ATP10B: variants seen among roughly 807,000 people sequenced by gnomAD.
The protein encoded by ATP10B is ATPase phospholipid transporting 10B (putative), also known as phospholipid-transporting ATPase VB.
A neutral mutation model predicts 141.2 loss-of-function variants in ATP10B; 122 were observed. That is an observed-to-expected ratio of 0.86 (90% CI 0.75 to 1.00). The LOEUF (loss-of-function observed/expected upper bound fraction) is 1.00, where lower values mean the gene tolerates loss of function less well. Among genes scored for constraint, ATP10B ranks in the 50% least tolerant of loss-of-function variants. The probability of loss-of-function intolerance (pLI) is 0.00; values close to 1 mark genes in which losing one functional copy is unlikely to be tolerated. For synonymous variants in ATP10B, 685 were observed against 692.0 expected (o/e 0.99, Z 0.16); for missense variants, 1,876 against 1,825.3 (o/e 1.03, Z -0.51).
At chr5:160,657,497 A>C (rs187375702) in intron 7 of ATP10B, among the ~76,000 whole-genome samples, 2 of 152,294 alleles carry the variant, frequency 1.3e-5, no homozygotes, top group Admixed American at 1.3e-4. Flanking sequence ...CCACAAAAGC[A>C]GGCAGATTGG....
intron 4 of ATP10B, among the ~76,000 whole-genome samples, chr5:160,688,385 A>G (rs1406266064): frequency 6.6e-6 from 1 of 152,174 alleles, no homozygotes; most frequent in African/African-American, 2.4e-5. Flanking sequence ...CATAAATAAC[A>G]TGCTCCTAAC....
chr5:160,801,738 T>C (rs1013277850), intron 1 of ATP10B, among the ~76,000 whole-genome samples: 3 of 152,102 alleles, frequency 2.0e-5, no homozygotes, highest in African/African-American at 7.2e-5. Context: ...CCTCTAGCAA[T>C]ATACAGGCCA....
intron 19 of ATP10B, among the ~76,000 whole-genome samples, chr5:160,605,678 G>C (rs1357165711): frequency 6.6e-6 from 1 of 152,196 alleles, no homozygotes; most frequent in Non-Finnish European, 1.5e-5. Context: ...ACGTTTAATA[G>C]GGTTTCTATT....
Position 160,565,874 on chromosome 5 carries a change from G to T in ATP10B, c.3965C>A (p.Thr1322Asn). ...TTTTGAGATTAGAGACTTCCCACAA[G>T]TTCCTTGCAGAGACAGGAAAAAGTA... ...PRYFFLSLQG[T>N]CGKSLISKAQ... Residue 1322 changes from threonine to asparagine, a missense_variant, in exon 26 of 26, where the codon ACT becomes AAT. By Grantham distance (65) the Thr-to-Asn change is moderately conservative. Transcript: ENST00000327245. The T allele has an allele frequency of 6.2e-7, 1 of 1,611,782 alleles. No homozygotes were observed. Among genetic ancestry groups the T allele is most frequent in the Non-Finnish European group, 8.5e-7 (1 of 1,179,376 alleles).
chr5:160,699,029 T>C (rs1210706110), intron 3 of ATP10B, among the ~76,000 whole-genome samples: 1 of 152,188 alleles, frequency 6.6e-6, no homozygotes, highest in African/African-American at 2.4e-5. Flanking sequence ...GGTTGCCAAA[T>C]AGCAAATCTG....
chr5:160,658,551 G>A (rs1452529016), intron 7 of ATP10B, among the ~76,000 whole-genome samples: 1 of 152,200 alleles, frequency 6.6e-6, no homozygotes, highest in Non-Finnish European at 1.5e-5. Context: ...TTCAAGTGGA[G>A]GATGCCAATC....
chr5:160,826,696 C>T (rs1774628847), intron 1 of ATP10B, among the ~76,000 whole-genome samples: 2 of 152,078 alleles, frequency 1.3e-5, no homozygotes, highest in South Asian at 2.1e-4. Context: ...AGAGAGATCA[C>T]TAAATTCTTT....
chr5:160,908,394 C>T, the ATP10B span, among the ~76,000 whole-genome samples: 2 of 152,052 alleles, frequency 1.3e-5, no homozygotes, highest in Non-Finnish European at 1.5e-5. Flanking sequence ...ATTGAATGTC[C>T]GCTGGCCCAT....
chr5:160,687,747 A>G (rs1400649645), intron 5 of ATP10B, 53 bp downstream of exon 5: 2 of 1,560,894 alleles, frequency 1.3e-6, no homozygotes. Context: ...CCTGGGGAAC[A>G]GAATGAGACT....
At chr5:160,743,722 T>G (rs996596894) in intron 2 of ATP10B, among the ~76,000 whole-genome samples, 1 of 152,208 alleles carries the variant, frequency 6.6e-6, no homozygotes, top group Admixed American at 6.5e-5. Context: ...TATCTTTGAC[T>G]ATAAGGGATT....
chr5:160,717,846 C>T (rs1328927884), intron 2 of ATP10B, among the ~76,000 whole-genome samples: 1 of 152,182 alleles, frequency 6.6e-6, no homozygotes, highest in Non-Finnish European at 1.5e-5. Context: ...TCCAGTCACA[C>T]ACCCTGCTCC....
In ATP10B at chr5:160,607,104, A is replaced by G; in HGVS notation, c.2839-18T>C. The G allele has an allele frequency of 1.3e-6, 2 of 1,592,530 alleles. No individual in the cohort carries two copies. Among genetic ancestry groups the G allele is most frequent in the South Asian group, 1.1e-5 (1 of 88,500 alleles). The stretch of plus-strand genomic sequence containing the variant: ...CAGGTCTCCTATAAAGAAGCATAAT[A>G]ATACAGTATTTGTAAGCAACCTTGG... On this transcript the variant is annotated intron_variant, in intron 18 of 25. Transcript: ENST00000327245.
intron 2 of ATP10B, among the ~76,000 whole-genome samples, chr5:160,784,872 T>C (rs1271091726): frequency 6.6e-6 from 1 of 152,114 alleles, no homozygotes; most frequent in African/African-American, 2.4e-5. Context: ...CTTTCTTCCT[T>C]TTTTCTTTCT....
chr5:160,783,516 T>C (rs1356989675), intron 2 of ATP10B, among the ~76,000 whole-genome samples: 1 of 144,484 alleles, frequency 6.9e-6, no homozygotes, highest in Non-Finnish European at 1.5e-5. Context: ...ATATACTATA[T>C]ATATGGGTGA....
intron 18 of ATP10B, among the ~76,000 whole-genome samples, chr5:160,610,611 C>A (rs1757667992): frequency 1.3e-5 from 2 of 152,158 alleles, no homozygotes; most frequent in Non-Finnish European, 2.9e-5. Flanking sequence ...AAGTAGTTTT[C>A]TTCTATGATC....
intron 18 of ATP10B, among the ~76,000 whole-genome samples, chr5:160,611,394 G>T (rs1046593306): frequency 6.6e-6 from 1 of 152,074 alleles, no homozygotes; most frequent in African/African-American, 2.4e-5. Context: ...ATTGCAAACC[G>T]AATTTCCATT....
intron 16 of ATP10B, among the ~76,000 whole-genome samples, chr5:160,616,327 G>C (rs1230647530): frequency 6.6e-6 from 1 of 152,186 alleles, no homozygotes; most frequent in Non-Finnish European, 1.5e-5. Flanking sequence ...AGTGTGATGG[G>C]ATAGAAGAAT....
At chr5:160,864,010 A>G in the ATP10B span, among the ~76,000 whole-genome samples, 1 of 152,046 alleles carries the variant, frequency 6.6e-6, no homozygotes, top group Non-Finnish European at 1.5e-5. Context: ...GAATTATATC[A>G]GGCATTCAAA....
At chr5:160,601,249 T>C (rs1470320030) in intron 21 of ATP10B, among the ~76,000 whole-genome samples, 1 of 152,206 alleles carries the variant, frequency 6.6e-6, no homozygotes. Flanking sequence ...CAGAAAGTCA[T>C]TCCTGAGCAA....
Sources: allele counts gnomAD v4.1 joint callset (sites outside exome capture counted in the v4.1 genomes callset), GRCh38; gene constraint gnomAD v4.1.1; transcripts MANE v1.5; gene names NCBI Gene and HGNC (gene_info 2026-07-23, HGNC 2026-07-21).